Variants in CD302 observed in about 807,000 individuals in gnomAD.
CD302 encodes CD302 antigen.
CD302 carries 23 observed loss-of-function variants against 26.5 expected under a neutral mutation model. That is an observed-to-expected ratio of 0.87 (90% CI 0.62 to 1.23). The LOEUF (loss-of-function observed/expected upper bound fraction) is 1.23. CD302 is among the 50% of genes most tolerant of loss of function. The probability of loss-of-function intolerance (pLI) is 0.00; values close to 1 mark genes in which losing one functional copy is unlikely to be tolerated. For synonymous variants in CD302, 90 were observed against 99.4 expected (o/e 0.91, Z 0.56); for missense variants, 290 against 275.5 (o/e 1.05, Z -0.37).
intron 5 of CD302, among the ~76,000 whole-genome samples, chr2:159,775,148 C>T (rs935228377): frequency 2.0e-5 from 3 of 152,214 alleles, no homozygotes; most frequent in African/African-American, 4.8e-5. Context: ...TTTTGTTTTA[C>T]CCTTCCCACT....
chr2:159,777,335 C>T (rs1708365454), intron 5 of CD302, among the ~76,000 whole-genome samples: 1 of 152,166 alleles, frequency 6.6e-6, no homozygotes, highest in Admixed American at 6.5e-5. Context: ...TCACTACACA[C>T]CTGATCTGAA....
At position 159,770,733 on chromosome 2, in the gene CD302, A is replaced by T. The variant is rs1708118194; in HGVS notation, c.*1118T>A. ...AATTGTCTGCAGTATTCAGCACAGT[A>T]ACATGCTGTGTAGGTTTGGGACAAA... On this transcript the variant is annotated 3_prime_UTR_variant, in exon 6 of 6. Coordinates refer to ENST00000259053, the MANE Select transcript of CD302 (RefSeq NM_014880.5). The T allele has an allele frequency of 6.6e-6, 1 of 152,172 alleles. No homozygotes were observed. Among genetic ancestry groups the T allele is most frequent in the African/African-American group, 2.4e-5 (1 of 41,432 alleles). 9.4% of individuals were successfully genotyped at this position (152,172 alleles called of 1,614,324 possible).
chr2:159,786,068 T>C (rs1018565766), intron 1 of CD302, among the ~76,000 whole-genome samples: 3 of 152,200 alleles, frequency 2.0e-5, no homozygotes, highest in African/African-American at 2.4e-5. Context: ...ATTAAAAATA[T>C]GTAGTTTTTA....
At chr2:159,792,275 C>T (rs11894074) in intron 1 of CD302, among the ~76,000 whole-genome samples, 140,798 of 152,206 alleles carry the variant, frequency 0.93, 65,298 homozygotes, top group African/African-American at 0.96. Flanking sequence ...AGGTAGCTTC[C>T]CCCAGAGTGA....
At chr2:159,793,301 T>C (rs948531050) in intron 1 of CD302, among the ~76,000 whole-genome samples, 5 of 152,200 alleles carry the variant, frequency 3.3e-5, no homozygotes, top group Non-Finnish European at 7.3e-5. Context: ...AGTTTCTATA[T>C]AGATCCTCTG....
chr2:159,775,762 A>G (rs1336783615), intron 5 of CD302, among the ~76,000 whole-genome samples: 4 of 152,198 alleles, frequency 2.6e-5, no homozygotes, highest in African/African-American at 7.2e-5. Context: ...AACTGTACCT[A>G]TTAAACTCCC....
In CD302 at chr2:159,770,118, T is replaced by TA. The variant is rs1490966409; in HGVS notation, c.*1732dup. Reference sequence around the variant, plus strand: ...TTTAGAACTCTTTTAGTTCACATAATACGCCATATTTTTTTTACTGTGCCT... The same window carrying TA: ...TTTAGAACTCTTTTAGTTCACATAATAACGCCATATTTTTTTTACTGTGCCT... On this transcript the variant is annotated 3_prime_UTR_variant, in exon 6 of 6. Coordinates refer to ENST00000259053, the MANE Select transcript of CD302 (RefSeq NM_014880.5). 2.5e-5 allele frequency: 3 copies of TA among 118,550 alleles called. No homozygotes were observed. Among genetic ancestry groups the TA allele is most frequent in the African/African-American group, 4.3e-5 (1 of 23,212 alleles). The allele number at this position is 118,550 out of a possible 1,614,324, so 7.3% of individuals were successfully genotyped here. A position where few individuals can be genotyped will look rare whatever the true frequency, so the allele number is the denominator to read the frequency against.
intron 1 of CD302, among the ~76,000 whole-genome samples, chr2:159,787,852 C>T (rs754749623): frequency 1.2e-4 from 18 of 152,176 alleles, no homozygotes; most frequent in Non-Finnish European, 1.9e-4. Context: ...CAGTGGCTCA[C>T]GCCTGTAATC....
intron 1 of CD302, among the ~76,000 whole-genome samples, chr2:159,788,245 T>A (rs1708720274): frequency 6.6e-6 from 1 of 152,246 alleles, no homozygotes; most frequent in African/African-American, 2.4e-5. Flanking sequence ...AATGACATCT[T>A]GGTCAATGAT....
intron 5 of CD302, among the ~76,000 whole-genome samples, chr2:159,774,809 T>G (rs1708261716): frequency 6.6e-6 from 1 of 152,088 alleles, no homozygotes; most frequent in South Asian, 2.1e-4. Flanking sequence ...CCCAAGGGAG[T>G]CTTCCAGCTT....
intron 4 of CD302, among the ~76,000 whole-genome samples, chr2:159,778,437 A>T (rs1574489698): frequency 6.6e-6 from 1 of 152,256 alleles, no homozygotes; most frequent in East Asian, 1.9e-4. Flanking sequence ...TTTAAAAAAC[A>T]AATATTTGAA....
rs1708385996 is a variant in CD302 at position 159,777,894 on chromosome 2, A to G, written c.496+44T>C. 4.2e-6 allele frequency: 4 copies of G among 957,100 alleles called. No individual in the cohort carries two copies. The South Asian group carries it at 4.4e-5, about 11-fold the overall frequency. The allele number at this position is 957,100 out of a possible 1,614,324, so 59.3% of individuals were successfully genotyped here. A position where few individuals can be genotyped will look rare whatever the true frequency, so the allele number is the denominator to read the frequency against. On this transcript the variant is annotated intron_variant, in intron 5 of 5. Transcript: ENST00000259053. Reference sequence around the variant, plus strand: ...TTTTAATATGCCAGAATTTTGATATATTTTTAATTGTGGGAAAAATTTAAA... The same window carrying G: ...TTTTAATATGCCAGAATTTTGATATGTTTTTAATTGTGGGAAAAATTTAAA...
At position 159,780,900 on chromosome 2, in the gene CD302, T is replaced by C; in HGVS notation, c.277A>G (p.Met93Val). ...WKGPDDILLGMFYDTDDASFK... is the reference protein window; with the variant it reads ...WKGPDDILLGVFYDTDDASFK... Reference sequence around the variant, plus strand: ...CACTTACCATCTGTGTCATAAAACATGCCTAGTAGGATATCATCTGGGCCT... The same window carrying C: ...CACTTACCATCTGTGTCATAAAACACGCCTAGTAGGATATCATCTGGGCCT... Residue 93 changes from methionine to valine, a missense_variant, in exon 3 of 6, where the codon ATG becomes GTG. Physicochemically the swap from Met to Val is conservative, Grantham distance 21 (BLOSUM62 1). Transcript: ENST00000259053. 3 of 1,613,020 alleles carry C rather than the reference T, an allele frequency of 1.9e-6. No individual in the cohort carries two copies. Among genetic ancestry groups the C allele is most frequent in the Non-Finnish European group, 2.5e-6 (3 of 1,179,806 alleles).
At chr2:159,780,615 T>TA (rs966058906) in intron 3 of CD302, among the ~76,000 whole-genome samples, 19 of 152,216 alleles carry the variant, frequency 1.2e-4, no homozygotes, top group Admixed American at 4.6e-4. Context: ...CACTAATACT[T>TA]ACCTTTATGA....
intron 1 of CD302, among the ~76,000 whole-genome samples, chr2:159,795,889 T>C (rs1213621320): frequency 6.6e-6 from 1 of 152,222 alleles, no homozygotes; most frequent in East Asian, 1.9e-4. Flanking sequence ...ACATGCTTGT[T>C]CACTCAGCTC....
chr2:159,791,185 TG>T (rs1407224567), intron 1 of CD302, among the ~76,000 whole-genome samples: 3 of 152,186 alleles, frequency 2.0e-5, no homozygotes, highest in African/African-American at 7.2e-5. Flanking sequence ...AGACCTTTTC[TG>T]GCAACAAGGA....
chr2:159,774,233 C>CATAG (rs1008832474), intron 5 of CD302, among the ~76,000 whole-genome samples: 17 of 152,046 alleles, frequency 1.1e-4, no homozygotes, highest in African/African-American at 4.1e-4. Context: ...TATGTAAATC[C>CATAG]ATAGATAAAT....
chr2:159,780,254 G>A (rs1251257488), intron 3 of CD302, 76 bp from the exon 4 acceptor site: 4 of 1,510,070 alleles, frequency 2.6e-6, no homozygotes, highest in East Asian at 2.3e-5. Context: ...TAGGATTAAA[G>A]GTGGAAAGTT....
intron 5 of CD302, among the ~76,000 whole-genome samples, chr2:159,772,311 T>A (rs1708175597): frequency 6.6e-6 from 1 of 152,242 alleles, no homozygotes; most frequent in Non-Finnish European, 1.5e-5. Flanking sequence ...ATCACGCAAG[T>A]ATATACCATG....
Sources: gnomAD v4.1 joint callset for allele counts (sites outside exome capture counted in the v4.1 genomes callset) on GRCh38, gnomAD v4.1.1 for gene constraint, MANE v1.5 for transcripts, NCBI Gene and HGNC (gene_info 2026-07-23, HGNC 2026-07-21) for gene names.